MYH15: variants seen among roughly 807,000 people sequenced by gnomAD.
The protein encoded by MYH15 is myosin heavy chain 15.
A neutral mutation model predicts 240.5 loss-of-function variants in MYH15; 227 were observed. The ratio of observed to expected loss-of-function variants is 0.94; its 90% confidence interval spans 0.85 to 1.05. The LOEUF (loss-of-function observed/expected upper bound fraction) is 1.05. Ranked by LOEUF, MYH15 falls within the 50% of genes least tolerant of loss-of-function variation. MYH15 has a pLI of 0.00. For missense variants in MYH15, 2,217 were observed against 2,247.5 expected, an observed-to-expected ratio of 0.99 and a Z score of 0.27; for synonymous variants, 785 against 796.7, an observed-to-expected ratio of 0.99 and a Z score of 0.25.
At chr3:108,434,666 A>G (rs1488333949) in intron 25 of MYH15, among the ~76,000 whole-genome samples, 1 of 152,212 alleles carries the variant, frequency 6.6e-6, no homozygotes, top group Non-Finnish European at 1.5e-5. Flanking sequence ...TTTGAATTTC[A>G]CAATTAATAA....
rs950714565 is a variant in MYH15 at position 108,476,509 on chromosome 3, T to C, written c.1121A>G (p.Asp374Gly). The change falls in exon 12 of 41, where the codon GAC (aspartate) becomes GGC (glycine). Residue 374 changes from aspartate to glycine, a missense_variant. Transcript: ENST00000693548. ...AATGCCCATGAGGAAAGCAGCTTTGTCAGCATCTGGTCATCAGAAATAGAA... is the reference window on the plus strand; with the variant it reads ...AATGCCCATGAGGAAAGCAGCTTTGCCAGCATCTGGTCATCAGAAATAGAA... ...QLEADGTENADKAAFLMGINS... is the reference protein window; with the variant it reads ...QLEADGTENAGKAAFLMGINS... 1.2e-6 allele frequency: 2 copies of C among 1,600,314 alleles called. No homozygotes were observed. The highest frequency in any genetic ancestry group is 1.3e-5 in the African/African-American group (1 of 74,604).
chr3:108,539,771 A>G, the MYH15 span, among the ~76,000 whole-genome samples: 1 of 152,124 alleles, frequency 6.6e-6, no homozygotes, highest in Non-Finnish European at 1.5e-5. Context: ...TGAACAAACC[A>G]ATTAGCACAG....
Position 108,405,450 on chromosome 3 carries a change from C to A in MYH15, c.4624G>T (p.Ala1542Ser). Residue 1542 changes from alanine (A) to serine (S), a missense_variant, in exon 33 of 41, where the codon GCC becomes TCC. Ala to Ser is a moderately conservative substitution (Grantham distance 99). Transcript: ENST00000693548. Reference protein sequence around the residue: ...VQVTLEETEGALERNESKILH... With the variant: ...VQVTLEETEGSLERNESKILH... ...ATCTTGCTTTCATTACGTTCCAGGG[C>A]TCCCTGGAATACATAAATAAAAAGC... 1 of 1,491,562 alleles carries A rather than the reference C, an allele frequency of 6.7e-7. No homozygotes were observed. The highest frequency in any genetic ancestry group is 9.1e-7 in the Non-Finnish European group (1 of 1,099,754). 92.4% of individuals were successfully genotyped at this position (1,491,562 alleles called of 1,614,324 possible).
intron 29 of MYH15, among the ~76,000 whole-genome samples, chr3:108,414,989 C>T (rs933675539): frequency 2.0e-5 from 3 of 152,200 alleles, no homozygotes; most frequent in African/African-American, 7.2e-5. Flanking sequence ...CACCTAGCCA[C>T]ATGTGGCTAC....
chr3:108,421,304 G>A, intron 27 of MYH15, 90 bp from the exon 28 acceptor site: 3 of 1,412,014 alleles, frequency 2.1e-6, no homozygotes, highest in East Asian at 2.3e-5. Flanking sequence ...TGGCTCCAGG[G>A]ATCCGCATGC....
At position 108,499,496 on chromosome 3, in the gene MYH15, A is replaced by T. The variant is rs747901065; in HGVS notation, c.497-14T>A. 1 of 1,611,462 alleles carries T rather than the reference A, an allele frequency of 6.2e-7. No individual in the cohort carries two copies. Among genetic ancestry groups the T allele is most frequent in the Non-Finnish European group, 8.5e-7 (1 of 1,178,220 alleles). ...GATTTTCTCGATCTACAAAAGAAAG[A>T]AAAATGCCAGAATATTCTTATATTC... On this transcript the variant is annotated splice_polypyrimidine_tract_variant and intron_variant, in intron 4 of 40. Coordinates refer to ENST00000693548, the MANE Select transcript of MYH15 (RefSeq NM_014981.3).
chr3:108,392,021 C>A, intron 36 of MYH15, 91 bp from the exon 37 acceptor site: 1 of 1,388,070 alleles, frequency 7.2e-7, no homozygotes, highest in Non-Finnish European at 1.0e-6. Context: ...GTCTGACTGG[C>A]TGCCACGCCT....
upstream of MYH15, among the ~76,000 whole-genome samples, chr3:108,512,151 A>T (rs139593001): frequency 7.2e-5 from 11 of 152,324 alleles, 1 homozygote; most frequent in East Asian, 2.1e-3. Flanking sequence ...AGGGAAAAAG[A>T]CAAAACTGAT....
At chr3:108,493,271 A>G in intron 7 of MYH15, 94 bp from the exon 8 acceptor site, 1 of 809,798 alleles carries the variant, frequency 1.2e-6, no homozygotes. Context: ...TGTAACTCTC[A>G]AAAGGACTAC....
intron 11 of MYH15, 66 bp downstream of exon 11, chr3:108,485,025 G>T: frequency 6.5e-7 from 1 of 1,534,878 alleles, no homozygotes. Flanking sequence ...TAACTGCAAG[G>T]TAAAGGGGAG....
intron 20 of MYH15, among the ~76,000 whole-genome samples, chr3:108,454,592 TC>T (rs2083004256): frequency 6.6e-6 from 1 of 152,116 alleles, no homozygotes; most frequent in Admixed American, 6.5e-5. Context: ...TCGTGAACCA[TC>T]TAAAACCATT....
intron 20 of MYH15, 125 bp downstream of exon 20, chr3:108,455,611 G>T: frequency 8.9e-7 from 1 of 1,124,202 alleles, no homozygotes; most frequent in Non-Finnish European, 1.3e-6. Flanking sequence ...GCTAAGATCT[G>T]TTTGTGATAT....
At chr3:108,526,149 G>T (rs1177011409) in intron 1 of MYH15, among the ~76,000 whole-genome samples, 1 of 152,058 alleles carries the variant, frequency 6.6e-6, no homozygotes, top group Non-Finnish European at 1.5e-5. Flanking sequence ...GGCCAATAAA[G>T]CTAGACTCTT....
chr3:108,384,875 C>T (rs1414850131), intron 38 of MYH15, 93 bp from the exon 39 acceptor site: 24 of 1,051,026 alleles, frequency 2.3e-5, no homozygotes, highest in Non-Finnish European at 3.0e-5. Context: ...GATCAGGGAA[C>T]TTTATTAAAC....
chr3:108,462,369 G>A (rs2083079258), intron 16 of MYH15, among the ~76,000 whole-genome samples: 1 of 152,038 alleles, frequency 6.6e-6, no homozygotes, highest in African/African-American at 2.4e-5. Context: ...GAAAACAGAA[G>A]TCTATCTTTC....
chr3:108,425,500 G>A (rs114606324), intron 27 of MYH15, among the ~76,000 whole-genome samples: 1 of 152,138 alleles, frequency 6.6e-6, no homozygotes, highest in African/African-American at 2.4e-5. Context: ...ACCTACATGG[G>A]AATGGGAATG....
At chr3:108,421,029 C>T in intron 28 of MYH15, 59 bp downstream of exon 28, 1 of 1,605,360 alleles carries the variant, frequency 6.2e-7, no homozygotes, top group South Asian at 1.1e-5. Context: ...CTCAGTTGTG[C>T]CTTCATGAGT....
intron 3 of MYH15, among the ~76,000 whole-genome samples, chr3:108,501,267 C>T (rs533558027): frequency 4.6e-5 from 7 of 152,194 alleles, no homozygotes; most frequent in Non-Finnish European, 2.9e-5. Flanking sequence ...AACCAACCAT[C>T]ATCAATTTAA....
chr3:108,395,640 T>C (rs1387351025), intron 35 of MYH15, among the ~76,000 whole-genome samples: 2 of 151,402 alleles, frequency 1.3e-5, no homozygotes, highest in Non-Finnish European at 1.5e-5. Context: ...TCTTTCTTTT[T>C]TTTTTTTTTT....
Sources: gnomAD v4.1 joint callset for allele counts (sites outside exome capture counted in the v4.1 genomes callset) on GRCh38, gnomAD v4.1.1 for gene constraint, MANE v1.5 for transcripts, NCBI Gene and HGNC (gene_info 2026-07-23, HGNC 2026-07-21) for gene names.